CADPS: variants seen among roughly 807,000 people sequenced by gnomAD.
CADPS encodes the protein calcium-dependent secretion activator 1.
A neutral mutation model predicts 167.3 loss-of-function variants in CADPS; 57 were observed. The ratio of observed to expected loss-of-function variants is 0.34; its 90% confidence interval spans 0.28 to 0.42. The LOEUF is 0.42. Among genes scored for constraint, CADPS ranks in the 20% least tolerant of loss-of-function variants. The probability of loss-of-function intolerance (pLI) is 1.00; values close to 1 mark genes in which losing one functional copy is unlikely to be tolerated. For missense variants in CADPS, 1,414 were observed against 1,738.1 expected, an observed-to-expected ratio of 0.81 and a Z score of 3.32; for synonymous variants, 676 against 635.3, an observed-to-expected ratio of 1.06 and a Z score of -0.96.
At chr3:62,849,176 G>T in intron 1 of CADPS, among the ~76,000 whole-genome samples, 1 of 150,450 alleles carries the variant, frequency 6.6e-6, no homozygotes, top group Non-Finnish European at 1.5e-5. Flanking sequence ...GAGATTTTGG[G>T]CTGAGACAAT....
chr3:62,692,871 G>A (rs1471918177), intron 3 of CADPS, among the ~76,000 whole-genome samples: 3 of 151,994 alleles, frequency 2.0e-5, no homozygotes, highest in African/African-American at 4.8e-5. Flanking sequence ...GTCATGTCAT[G>A]CCCATACTTC....
chr3:62,485,334 C>A (rs1452074), intron 21 of CADPS, among the ~76,000 whole-genome samples: 10 of 152,038 alleles, frequency 6.6e-5, no homozygotes, highest in Non-Finnish European at 1.5e-4. Context: ...GAAAACTCAG[C>A]GTTTGCATGC....
chr3:62,505,861 T>C (rs1212672136), intron 17 of CADPS, among the ~76,000 whole-genome samples: 9 of 152,096 alleles, frequency 5.9e-5, no homozygotes, highest in African/African-American at 2.2e-4. Context: ...CCAGGGTAGG[T>C]CATCAAATAT....
rs536866786 is a variant in CADPS at position 62,604,449 on chromosome 3, G to A, written c.1326-11701C>T. ...AGGACTGGGGACTGGAAGTCCGGCT[G>A]AGCCTGTATTATTTTGAAATCCTAT... On this transcript the variant is annotated intron_variant, in intron 6 of 29. Transcript: ENST00000383710. 5.3e-5 allele frequency among the ~76,000 whole-genome samples: 8 copies of A among 152,352 alleles called. No homozygotes were observed. In the East Asian group the frequency reaches 1.5e-3, roughly 29 times the overall value.
intron 1 of CADPS, among the ~76,000 whole-genome samples, chr3:62,836,375 A>G (rs2075888188): frequency 1.3e-5 from 2 of 152,316 alleles, no homozygotes; most frequent in African/African-American, 2.4e-5. Context: ...CTGTCCTCCA[A>G]TAGCACTTGG....
intron 6 of CADPS, among the ~76,000 whole-genome samples, chr3:62,623,925 G>A (rs545479196): frequency 1.4e-5 from 2 of 144,652 alleles, no homozygotes; most frequent in South Asian, 2.5e-4. Flanking sequence ...ACATTTGAGA[G>A]TATCTGTTGA....
At chr3:62,540,487 T>C (rs950376561) in intron 11 of CADPS, among the ~76,000 whole-genome samples, 2 of 152,130 alleles carry the variant, frequency 1.3e-5, no homozygotes, top group Non-Finnish European at 2.9e-5. Flanking sequence ...TCATTGACTT[T>C]ATTAAGGAGT....
intron 11 of CADPS, among the ~76,000 whole-genome samples, chr3:62,539,803 C>A (rs1037307456): frequency 2.0e-5 from 3 of 152,050 alleles, no homozygotes; most frequent in African/African-American, 7.2e-5. Context: ...TGATTGGAAA[C>A]GGCTTATTTA....
At chr3:62,649,488 T>C (rs556732740) in intron 5 of CADPS, among the ~76,000 whole-genome samples, 1 of 151,052 alleles carries the variant, frequency 6.6e-6, no homozygotes, top group East Asian at 2.0e-4. Context: ...ACTTCCTATT[T>C]CTGTAGATTT....
chr3:62,544,111 T>G lies in CADPS; in HGVS notation c.1966+5792A>C, dbSNP rs1047353298. 5.3e-5 allele frequency among the ~76,000 whole-genome samples: 8 copies of G among 152,054 alleles called. No individual in the cohort carries two copies. The highest frequency in any genetic ancestry group is 1.0e-4 in the Non-Finnish European group (7 of 67,976). ...TTGTAAGACTGTGAATCCAAAGCATTTGTAAATGAGTGACATGGATTCAGT... is the reference window on the plus strand; with the variant it reads ...TTGTAAGACTGTGAATCCAAAGCATGTGTAAATGAGTGACATGGATTCAGT... On this transcript the variant is annotated intron_variant, in intron 11 of 29. Coordinates refer to ENST00000383710, the MANE Select transcript of CADPS (RefSeq NM_003716.4). This position sits in a 1 kb window ranked among gnomAD's most constrained non-coding sequence, Gnocchi z 4.4.
chr3:62,786,963 C>T (rs2092498440), intron 1 of CADPS, among the ~76,000 whole-genome samples: 1 of 151,998 alleles, frequency 6.6e-6, no homozygotes, highest in East Asian at 1.9e-4. Context: ...AAGGATATTT[C>T]TGAGGCATCT....
chr3:62,453,953 A>G (rs750566135), intron 26 of CADPS, among the ~76,000 whole-genome samples: 1 of 152,124 alleles, frequency 6.6e-6, no homozygotes, highest in Non-Finnish European at 1.5e-5. Flanking sequence ...TTCCTTTTAT[A>G]AGAGGGCCAG....
intron 1 of CADPS, among the ~76,000 whole-genome samples, chr3:62,786,282 G>C (rs1219045809): frequency 2.6e-5 from 4 of 152,078 alleles, no homozygotes; most frequent in African/African-American, 9.7e-5. Context: ...ATGTTATGCA[G>C]AAAGCAATTT....
rs189539974 is a variant in CADPS, at chr3:62,531,885, A to G, written c.2291+986T>C. On this transcript the variant is annotated intron_variant, in intron 13 of 29. Transcript: ENST00000383710. Reference sequence around the variant, plus strand: ...TTTGCTGCTTTGCATTATTCAGAACATGGATCTTTTCCTCCAGGAGCTGGG... The same window carrying G: ...TTTGCTGCTTTGCATTATTCAGAACGTGGATCTTTTCCTCCAGGAGCTGGG... Among the ~76,000 whole-genome samples, 173 of 152,332 alleles carry G rather than the reference A, an allele frequency of 1.1e-3. 2 individuals carry two copies. Among genetic ancestry groups the G allele is most frequent in the African/African-American group, 4.1e-3 (169 of 41,590 alleles).
intron 1 of CADPS, among the ~76,000 whole-genome samples, chr3:62,838,068 G>A (rs1182042254): frequency 4.6e-5 from 7 of 152,272 alleles, no homozygotes; most frequent in African/African-American, 1.2e-4. Flanking sequence ...CCATCCATAC[G>A]CTCTTCAAGT....
intron 16 of CADPS, among the ~76,000 whole-genome samples, chr3:62,513,101 T>C (rs1016602830): frequency 3.9e-5 from 6 of 152,072 alleles, no homozygotes; most frequent in Non-Finnish European, 8.8e-5. Flanking sequence ...TCAAAATCTC[T>C]AGAGGGAACA....
chr3:62,675,354 A>G (rs2076181751), intron 3 of CADPS, among the ~76,000 whole-genome samples: 1 of 152,186 alleles, frequency 6.6e-6, no homozygotes, highest in Admixed American at 6.6e-5. Flanking sequence ...TGCTTAAAAT[A>G]TAGACTCTAT....
In CADPS at chr3:62,607,432, GA is replaced by G. The variant is rs767242169; in HGVS notation, c.1326-14685del. Among the ~76,000 whole-genome samples, 160 of 152,294 alleles carry G rather than the reference GA, an allele frequency of 1.1e-3. 1 individual carries two copies. The highest frequency in any genetic ancestry group is 1.8e-3 in the Non-Finnish European group (124 of 68,028). On this transcript the variant is annotated intron_variant, in intron 6 of 29. Coordinates refer to ENST00000383710, the MANE Select transcript of CADPS (RefSeq NM_003716.4). ...ATCACGAACGCTCAAGTGCTCCCAGGAAAAGCCCTAACCACATCAAAGGCAC... is the reference window on the plus strand; with the variant it reads ...ATCACGAACGCTCAAGTGCTCCCAGGAAAGCCCTAACCACATCAAAGGCAC...
chr3:62,837,011 C>A (rs1304126722), intron 1 of CADPS, among the ~76,000 whole-genome samples: 1 of 152,092 alleles, frequency 6.6e-6, no homozygotes, highest in African/African-American at 2.4e-5. Context: ...TAACTCTTCC[C>A]AATGAAGGGA....
Sources: allele counts gnomAD v4.1 joint callset (sites outside exome capture counted in the v4.1 genomes callset), GRCh38; gene constraint gnomAD v4.1.1; non-coding constraint Gnocchi (gnomAD v3.1); transcripts MANE v1.5; gene names NCBI Gene and HGNC (gene_info 2026-07-23, HGNC 2026-07-21).